The following TP63 variants were observed in gnomAD, a reference collection of about 807,000 sequenced individuals.
TP63 encodes the protein tumor protein 63.
TP63 carries 17 observed loss-of-function variants against 82.8 expected under a neutral mutation model. That is an observed-to-expected ratio of 0.21 (90% CI 0.14 to 0.31). The LOEUF (loss-of-function observed/expected upper bound fraction) is 0.31. Ranked by LOEUF, TP63 falls within the 10% of genes least tolerant of loss-of-function variation. The pLI, the probability that TP63 is intolerant of heterozygous loss-of-function variation, is 1.00. For missense variants in TP63, 648 were observed against 895.3 expected (o/e 0.72, Z 3.52); for synonymous variants, 330 against 321.7 (o/e 1.03, Z -0.28).
intron 8 of TP63, among the ~76,000 whole-genome samples, chr3:189,869,000 C>T (rs1718079104): frequency 6.8e-6 from 1 of 147,634 alleles, no homozygotes; most frequent in South Asian, 2.1e-4. Flanking sequence ...CACAGACACA[C>T]ACCAGCAAGA....
chr3:189,785,684 T>C (rs1308958583), intron 3 of TP63, among the ~76,000 whole-genome samples: 1 of 151,940 alleles, frequency 6.6e-6, no homozygotes, highest in Non-Finnish European at 1.5e-5. Flanking sequence ...ATAAGGAAAG[T>C]GAAGCTGAAA....
intron 1 of TP63, among the ~76,000 whole-genome samples, chr3:189,641,286 ATAATCT>A (rs1030394803): frequency 1.3e-5 from 2 of 152,118 alleles, no homozygotes; most frequent in Non-Finnish European, 2.9e-5. Context: ...TGGTTCTGAA[ATAATCT>A]TAATTAAGTG....
intron 3 of TP63, among the ~76,000 whole-genome samples, chr3:189,762,947 A>G (rs1397055317): frequency 1.3e-5 from 2 of 152,224 alleles, no homozygotes; most frequent in African/African-American, 4.8e-5. Flanking sequence ...GGCATCCATC[A>G]TTGAACAACA....
intron 1 of TP63, among the ~76,000 whole-genome samples, chr3:189,684,076 C>T (rs1482168762): frequency 3.3e-5 from 5 of 152,058 alleles, no homozygotes; most frequent in Non-Finnish European, 7.4e-5. Context: ...AAGAGAAAAC[C>T]CACAGCATGA....
intron 4 of TP63, among the ~76,000 whole-genome samples, chr3:189,850,305 A>G (rs1198286345): frequency 6.6e-6 from 1 of 151,854 alleles, no homozygotes; most frequent in Non-Finnish European, 1.5e-5. Flanking sequence ...CCCCACCGCC[A>G]CCACCAAAAA....
chr3:189,773,992 G>C (rs965416018), intron 3 of TP63, among the ~76,000 whole-genome samples: 1 of 141,440 alleles, frequency 7.1e-6, no homozygotes, highest in Non-Finnish European at 1.5e-5. Context: ...GCACGATCTT[G>C]GCTCACTGCA....
chr3:189,852,337 G>A (rs1487683638), intron 4 of TP63, among the ~76,000 whole-genome samples: 2 of 152,144 alleles, frequency 1.3e-5, no homozygotes, highest in Admixed American at 1.3e-4. Context: ...AATTCCATTG[G>A]CTAAGCCAGG....
At chr3:189,644,204 A>G (rs142357609) in intron 1 of TP63, among the ~76,000 whole-genome samples, 7 of 147,294 alleles carry the variant, frequency 4.8e-5, no homozygotes, top group Non-Finnish European at 1.0e-4. Context: ...TCTGGCCACT[A>G]TCTCCTCTCT....
At chr3:189,828,335 A>G (rs1333677734) in intron 4 of TP63, among the ~76,000 whole-genome samples, 1 of 151,918 alleles carries the variant, frequency 6.6e-6, no homozygotes, top group African/African-American at 2.4e-5. Flanking sequence ...GTGGTTTTGC[A>G]GTATATATTT....
chr3:189,814,916 C>G (rs1376924093), intron 4 of TP63, among the ~76,000 whole-genome samples: 1 of 152,082 alleles, frequency 6.6e-6, no homozygotes, highest in Admixed American at 6.5e-5. Flanking sequence ...TTAAACTGAT[C>G]TTGATTTATT....
intron 4 of TP63, among the ~76,000 whole-genome samples, chr3:189,838,287 A>C (rs967901178): frequency 2.6e-5 from 4 of 151,688 alleles, no homozygotes; most frequent in Non-Finnish European, 4.4e-5. Flanking sequence ...ATTTATTGGC[A>C]TGGGCAGCTT....
chr3:189,614,552 T>C, the TP63 span, among the ~76,000 whole-genome samples: 1 of 152,246 alleles, frequency 6.6e-6, no homozygotes, highest in Admixed American at 6.5e-5. Flanking sequence ...ACTTCTTTAT[T>C]TCTTTTCTTC....
chr3:189,775,533 G>A (rs562669172), intron 3 of TP63, among the ~76,000 whole-genome samples: 60 of 152,128 alleles, frequency 3.9e-4, no homozygotes, highest in African/African-American at 1.3e-3. Context: ...ATTTGATTGC[G>A]GGTGCTCTTT....
the TP63 span, among the ~76,000 whole-genome samples, chr3:189,608,461 A>C: frequency 6.6e-6 from 1 of 152,158 alleles, no homozygotes; most frequent in Non-Finnish European, 1.5e-5. Flanking sequence ...GATATCTCTC[A>C]GAGTCATAAA....
chr3:189,742,681 A>G (rs968630745), intron 3 of TP63, among the ~76,000 whole-genome samples: 1 of 152,256 alleles, frequency 6.6e-6, no homozygotes, highest in African/African-American at 2.4e-5. Context: ...TCAAGCACAT[A>G]CAGTAGGTCT....
the TP63 span, among the ~76,000 whole-genome samples, chr3:189,623,691 A>G: frequency 6.6e-5 from 10 of 152,326 alleles, no homozygotes; most frequent in African/African-American, 1.7e-4. Flanking sequence ...AATGAGTGCT[A>G]TGTAGTCTTG....
At chr3:189,669,161 G>A (rs931918759) in intron 1 of TP63, among the ~76,000 whole-genome samples, 11 of 151,864 alleles carry the variant, frequency 7.2e-5, no homozygotes, top group African/African-American at 2.4e-4. Context: ...AATAGCAAAG[G>A]AATGTGGTGG....
chr3:189,604,228 C>T, the TP63 span, among the ~76,000 whole-genome samples: 129 of 152,182 alleles, frequency 8.5e-4, no homozygotes, highest in African/African-American at 2.9e-3. Context: ...GTTTTAACGT[C>T]CTCATCAGTG....
chr3:189,769,084 G>A (rs1224785495), intron 3 of TP63, among the ~76,000 whole-genome samples: 1 of 152,108 alleles, frequency 6.6e-6, no homozygotes. Context: ...CTTCCTCATA[G>A]GCTGATGTGA....
Sources: gnomAD v4.1 joint callset for allele counts (sites outside exome capture counted in the v4.1 genomes callset) on GRCh38, gnomAD v4.1.1 for gene constraint, MANE v1.5 for transcripts, NCBI Gene and HGNC (gene_info 2026-07-23, HGNC 2026-07-21) for gene names.